The following OR5AN1 variants were observed in gnomAD, a reference collection of about 807,000 sequenced individuals.
OR5AN1 encodes the protein olfactory receptor 5AN1.
For missense variants in OR5AN1, 476 were observed against 368.9 expected, an observed-to-expected ratio of 1.29 and a Z score of -2.38; for synonymous variants, 167 against 131.8, an observed-to-expected ratio of 1.27 and a Z score of -1.83.
rs934419328 is a variant in OR5AN1, at chr11:59,368,335, G to C, written c.*2941G>C. ...TCTCACCAGGAAGATCTTCAGGCCTGGGCTTCCAGCCACCACCAGCCAGAA... is the reference window on the plus strand; with the variant it reads ...TCTCACCAGGAAGATCTTCAGGCCTCGGCTTCCAGCCACCACCAGCCAGAA... On this transcript the variant is annotated 3_prime_UTR_variant, in exon 2 of 2. Coordinates refer to ENST00000641998, the MANE Select transcript of OR5AN1 (RefSeq NM_001004729.2). 2 of 152,404 alleles carry C rather than the reference G, an allele frequency of 1.3e-5. No individual in the cohort carries two copies. Among genetic ancestry groups the C allele is most frequent in the African/African-American group, 4.8e-5 (2 of 41,462 alleles). 9.4% of individuals were successfully genotyped at this position (152,404 alleles called of 1,614,324 possible).
Position 59,366,961 on chromosome 11 carries a change from C to T in OR5AN1, c.*1567C>T, listed in dbSNP as rs1395745629. Reference sequence around the variant, plus strand: ...AAAGCCTCCTCCCTTCTTCAATACCCCTTAATGTATAAGGTGCCAAATTGC... The same window carrying T: ...AAAGCCTCCTCCCTTCTTCAATACCTCTTAATGTATAAGGTGCCAAATTGC... On this transcript the variant is annotated 3_prime_UTR_variant, in exon 2 of 2. Transcript: ENST00000641998. 6.6e-6 allele frequency: 1 copy of T among 152,108 alleles called. No individual in the cohort carries two copies. The highest frequency in any genetic ancestry group is 1.5e-5 in the Non-Finnish European group (1 of 68,016). The allele number at this position is 152,108 out of a possible 1,614,324, so 9.4% of individuals were successfully genotyped here.
At position 59,359,213 on chromosome 11, in the gene OR5AN1, A is replaced by G. The variant is rs1197002693; in HGVS notation, c.-73A>G. The G allele has an allele frequency of 1.3e-5, 2 of 152,178 alleles. No homozygotes were observed. The highest frequency in any genetic ancestry group is 3.9e-4 in the East Asian group (2 of 5,186). The allele number at this position is 152,178 out of a possible 1,614,324, so 9.4% of individuals were successfully genotyped here. On this transcript the variant is annotated 5_prime_UTR_variant, in exon 1 of 2. Transcript: ENST00000641998. ...TTCTGTACCTAAAGCTCTTCGTTGG[A>G]TTCTCTTACTCCTTACTCAACCTTC...
At chr11:59,361,984 TTGTG>T (rs144506810) in intron 1 of OR5AN1, among the ~76,000 whole-genome samples, 1,673 of 139,868 alleles carry the variant, frequency 0.012, 26 homozygotes, top group African/African-American at 0.042. Flanking sequence ...GTGTGTGTGT[TTGTG>T]TGTGTGTGTG....
In OR5AN1 at chr11:59,366,125, G is replaced by A. The variant is rs1408144572; in HGVS notation, c.*731G>A. The A allele has an allele frequency of 1.3e-5, 2 of 152,186 alleles. No homozygotes were observed. The highest frequency in any genetic ancestry group is 2.9e-5 in the Non-Finnish European group (2 of 68,038). 9.4% of individuals were successfully genotyped at this position (152,186 alleles called of 1,614,324 possible). ...TTCCTGCAATCATATTTACTTATGA[G>A]TCTGATGATTTGATTTCTTGTATCT... On this transcript the variant is annotated 3_prime_UTR_variant, in exon 2 of 2. Coordinates refer to ENST00000641998, the MANE Select transcript of OR5AN1 (RefSeq NM_001004729.2).
In OR5AN1 at chr11:59,364,829, A is replaced by G. The variant is rs200312424; in HGVS notation, c.371A>G (p.Tyr124Cys). The change falls in exon 2 of 2, where the codon TAT becomes TGT. Residue 124 changes from tyrosine to cysteine, a missense_variant. By Grantham distance (194) the Tyr-to-Cys change is radical (BLOSUM62 -2). Coordinates refer to ENST00000641998, the MANE Select transcript of OR5AN1 (RefSeq NM_001004729.2). ...ATGACAGCCATGGCTTATGATCGTTATGCTGCCATTTGTAACCCCCTGCTC... is the reference window on the plus strand; with the variant it reads ...ATGACAGCCATGGCTTATGATCGTTGTGCTGCCATTTGTAACCCCCTGCTC... ...CLMTAMAYDR[Y>C]AAICNPLLYS... is the part of the protein sequence containing the mutation. The G allele has an allele frequency of 1.1e-5, 18 of 1,613,828 alleles. No homozygotes were observed. The highest frequency in any genetic ancestry group is 8.0e-5 in the African/African-American group (6 of 74,916).
chr11:59,365,624 A>G lies in OR5AN1; in HGVS notation c.*230A>G. On this transcript the variant is annotated 3_prime_UTR_variant, in exon 2 of 2. Transcript: ENST00000641998. ...TTCATTATTTTTATCCTACATCAGG[A>G]TAAATAATGTGGCCTCATCATTTAT... is the stretch of plus-strand genomic sequence containing the variant. 1 of 419,360 alleles carries G rather than the reference A, an allele frequency of 2.4e-6. No homozygotes were observed. The highest frequency in any genetic ancestry group is 3.6e-5 in the East Asian group (1 of 27,626). The allele number at this position is 419,360 out of a possible 1,614,324, so 26.0% of individuals were successfully genotyped here. A position where few individuals can be genotyped will look rare whatever the true frequency, so the allele number is the denominator to read the frequency against.
rs966206169 is a variant in OR5AN1, at chr11:59,364,966, T to C, written c.508T>C (p.Cys170Arg). The part of the protein sequence containing the change: ...QIGALLQLHF[C>R]GSNVIRHFFC... ...TGGTGCTTTGCTTCAACTCCACTTC[T>C]GTGGGTCTAATGTCATCAGACATTT... is the stretch of plus-strand genomic sequence containing the variant. The change falls in exon 2 of 2, where the codon TGT (cysteine) becomes CGT (arginine). Residue 170 changes from cysteine to arginine, a missense_variant. By Grantham distance (180) the Cys-to-Arg change is radical. Transcript: ENST00000641998. 6.2e-7 allele frequency: 1 copy of C among 1,614,064 alleles called. No homozygotes were observed. The highest frequency in any genetic ancestry group is 1.3e-5 in the African/African-American group (1 of 74,946).
At chr11:59,362,842 A>G (rs184076492) in intron 1 of OR5AN1, among the ~76,000 whole-genome samples, 4 of 152,336 alleles carry the variant, frequency 2.6e-5, no homozygotes, top group African/African-American at 9.6e-5. Flanking sequence ...CCTCTGTATT[A>G]TTAGAGAATT....
At chr11:59,363,839 T>G (rs1430596395) in intron 1 of OR5AN1, among the ~76,000 whole-genome samples, 6 of 152,176 alleles carry the variant, frequency 3.9e-5, no homozygotes, top group Admixed American at 2.0e-4. Context: ...CTCACCTCAC[T>G]GCAACCTCTG....
intron 1 of OR5AN1, 56 bp from the exon 2 acceptor site, chr11:59,364,390 T>G: frequency 1.9e-6 from 2 of 1,036,292 alleles, no homozygotes; most frequent in Non-Finnish European, 2.9e-6. Context: ...AAGACGGTAA[T>G]GTTATCACTT....
rs946388474 is a variant in OR5AN1, at chr11:59,359,084, T to A, written c.-202T>A. On this transcript the variant is annotated 5_prime_UTR_variant, in exon 1 of 2. Transcript: ENST00000641998. ...ACTTAGAACAGTGGATTCTGTACCG[T>A]CTCAATATCCATGTAATTCTTCCAG... 2.6e-5 allele frequency: 4 copies of A among 152,204 alleles called. No individual in the cohort carries two copies. The highest frequency in any genetic ancestry group is 2.6e-4 in the Admixed American group (4 of 15,282). 9.4% of individuals were successfully genotyped at this position (152,204 alleles called of 1,614,324 possible).
Position 59,370,858 on chromosome 11 carries a change from A to G in OR5AN1, c.*5464A>G, listed in dbSNP as rs1857586689. 1 of 152,152 alleles carries G rather than the reference A, an allele frequency of 6.6e-6. No homozygotes were observed. The highest frequency in any genetic ancestry group is 1.5e-5 in the Non-Finnish European group (1 of 68,012). The allele number at this position is 152,152 out of a possible 1,614,324, so 9.4% of individuals were successfully genotyped here. On this transcript the variant is annotated 3_prime_UTR_variant, in exon 2 of 2. Transcript: ENST00000641998. ...TAGGATACATCAGAGGAGTTCCTGA[A>G]CTCCTTAAAATTGTTGGAAAAATAT... is the stretch of plus-strand genomic sequence containing the variant.
chr11:59,364,160 C>T (rs1172437520), intron 1 of OR5AN1, among the ~76,000 whole-genome samples: 1 of 152,272 alleles, frequency 6.6e-6, no homozygotes, highest in Non-Finnish European at 1.5e-5. Flanking sequence ...TTACCTTATA[C>T]GTAATACTCT....
At chr11:59,359,495 T>C (rs1162113670) in intron 1 of OR5AN1, 1 of 152,176 alleles carries the variant, frequency 6.6e-6, no homozygotes, top group Admixed American at 6.6e-5. Flanking sequence ...CCCAGTTTTC[T>C]CCACCCCAAG....
chr11:59,368,408 G>A lies in OR5AN1; in HGVS notation c.*3014G>A, dbSNP rs1304203202. On this transcript the variant is annotated 3_prime_UTR_variant, in exon 2 of 2. Coordinates refer to ENST00000641998, the MANE Select transcript of OR5AN1 (RefSeq NM_001004729.2). ...CCAACTCCCTAGACAGAGCTTCCGA[G>A]GTCAACAGAAAGTTTCTATGCCACT... 6.6e-6 allele frequency: 1 copy of A among 152,294 alleles called. No homozygotes were observed. Among genetic ancestry groups the A allele is most frequent in the Non-Finnish European group, 1.5e-5 (1 of 68,126 alleles). 9.4% of individuals were successfully genotyped at this position (152,294 alleles called of 1,614,324 possible).
At position 59,359,036 on chromosome 11, in the gene OR5AN1, C is replaced by A. The variant is rs1461322595; in HGVS notation, c.-250C>A. 1 of 152,152 alleles carries A rather than the reference C, an allele frequency of 6.6e-6. No homozygotes were observed. The highest frequency in any genetic ancestry group is 1.5e-5 in the Non-Finnish European group (1 of 68,040). 9.4% of individuals were successfully genotyped at this position (152,152 alleles called of 1,614,324 possible). ...CAAGAACCCTGTCTTCTTGGAGGACCTGGGTAAAGGTCACAGGACAAGACT... is the reference window on the plus strand; with the variant it reads ...CAAGAACCCTGTCTTCTTGGAGGACATGGGTAAAGGTCACAGGACAAGACT... On this transcript the variant is annotated 5_prime_UTR_variant, in exon 1 of 2. The change creates a new upstream start codon in the 5' untranslated region. Coordinates refer to ENST00000641998, the MANE Select transcript of OR5AN1 (RefSeq NM_001004729.2).
rs1393413128 is a variant in OR5AN1, at chr11:59,369,492, G to A, written c.*4098G>A. The A allele has an allele frequency of 2.6e-5, 4 of 152,090 alleles. No individual in the cohort carries two copies. The highest frequency in any genetic ancestry group is 7.2e-5 in the African/African-American group (3 of 41,398). 9.4% of individuals were successfully genotyped at this position (152,090 alleles called of 1,614,324 possible). ...CACAATGCAATCAAAAGTATTAAGA[G>A]CAGAATAAACCAAGCTGAGGAAACA... On this transcript the variant is annotated 3_prime_UTR_variant, in exon 2 of 2. Transcript: ENST00000641998.
rs1407737203 is a variant in OR5AN1, at chr11:59,367,460, G to A, written c.*2066G>A. 1 of 152,180 alleles carries A rather than the reference G, an allele frequency of 6.6e-6. No individual in the cohort carries two copies. Among genetic ancestry groups the A allele is most frequent in the Admixed American group, 6.6e-5 (1 of 15,258 alleles). The allele number at this position is 152,180 out of a possible 1,614,324, so 9.4% of individuals were successfully genotyped here. Reference sequence around the variant, plus strand: ...GGTTAGACTCCTGTATATAACCCTAGGAAAGAGGCTGAATCCAGGGGTGTT... The same window carrying A: ...GGTTAGACTCCTGTATATAACCCTAAGAAAGAGGCTGAATCCAGGGGTGTT... On this transcript the variant is annotated 3_prime_UTR_variant, in exon 2 of 2. Coordinates refer to ENST00000641998, the MANE Select transcript of OR5AN1 (RefSeq NM_001004729.2).
rs1371947217 is a variant in OR5AN1, at chr11:59,367,394, G to A, written c.*2000G>A. 6.6e-6 allele frequency: 1 copy of A among 152,390 alleles called. No homozygotes were observed. The highest frequency in any genetic ancestry group is 2.4e-5 in the African/African-American group (1 of 41,432). The allele number at this position is 152,390 out of a possible 1,614,324, so 9.4% of individuals were successfully genotyped here. ...GAGTCCTCGAAGGCTTAGATACTTG[G>A]GTTTTCTGGTAAAAGTAGCTGCAGC... On this transcript the variant is annotated 3_prime_UTR_variant, in exon 2 of 2. Transcript: ENST00000641998.
Sources: gnomAD v4.1 joint callset for allele counts (sites outside exome capture counted in the v4.1 genomes callset) on GRCh38, gnomAD v4.1.1 for gene constraint, MANE v1.5 for transcripts, NCBI Gene and HGNC (gene_info 2026-07-23, HGNC 2026-07-21) for gene names.